Variants in ATP2B3 observed in about 807,000 individuals in gnomAD.
ATP2B3 encodes ATPase plasma membrane Ca2+ transporting 3.
ATP2B3 carries 12 observed loss-of-function variants against 70.8 expected under a neutral mutation model. The observed-to-expected ratio is 0.17, with a 90% confidence interval of 0.11 to 0.27. The LOEUF is 0.27. Ranked by LOEUF, ATP2B3 falls within the 10% of genes least tolerant of loss-of-function variation. The pLI is 1.00. For synonymous variants in ATP2B3, 460 were observed against 497.8 expected (o/e 0.92, Z 1.01); for missense variants, 858 against 1,118.5 (o/e 0.77, Z 3.32).
At chrX:153,549,473 T>A in intron 10 of ATP2B3, 24 bp from the exon 11 acceptor site, 1 of 1,209,182 alleles carries the variant, frequency 8.3e-7, no homozygotes, top group Non-Finnish European at 1.1e-6. Flanking sequence ...CTGGGCCAAA[T>A]GCCCACACCC....
intron 9 of ATP2B3, 148 bp from the exon 10 acceptor site, chrX:153,548,492 G>A (rs1441859078): frequency 5.4e-5 from 28 of 514,573 alleles, no homozygotes; most frequent in Non-Finnish European, 8.8e-5. Flanking sequence ...AGCCAAACCT[G>A]GGCTGTTTAT....
intron 2 of ATP2B3, among the ~76,000 whole-genome samples, chrX:153,535,519 C>A (rs1422951941): frequency 9.1e-6 from 1 of 110,003 alleles, no homozygotes; most frequent in Non-Finnish European, 1.9e-5. Flanking sequence ...CCCTCTCTCC[C>A]CTCCCCTGTT....
At chrX:153,565,908 C>T (rs1347241745) in intron 21 of ATP2B3, among the ~76,000 whole-genome samples, 2 of 112,722 alleles carry the variant, frequency 1.8e-5, no homozygotes, top group Admixed American at 1.9e-4. Context: ...GTCCCTGCAT[C>T]GTTCCTGCCT....
At chrX:153,521,611 T>C (rs1460990194) in intron 2 of ATP2B3, among the ~76,000 whole-genome samples, 1 of 111,740 alleles carries the variant, frequency 8.9e-6, no homozygotes, top group Non-Finnish European at 1.9e-5. Flanking sequence ...GCACCTTATT[T>C]AAAGGGGTCC....
intron 21 of ATP2B3, chrX:153,574,995 T>C (rs1184619657): frequency 6.7e-5 from 18 of 269,609 alleles, no homozygotes; most frequent in Admixed American, 1.1e-4. Flanking sequence ...ATGTCTCCTC[T>C]GGGCAGCTGG....
chrX:153,575,817 G>A (rs192368335), intron 21 of ATP2B3, among the ~76,000 whole-genome samples: 79 of 111,936 alleles, frequency 7.1e-4, no homozygotes, highest in African/African-American at 2.3e-3. Context: ...AGGAGGAGGG[G>A]CTGGAGCAGT....
intron 2 of ATP2B3, among the ~76,000 whole-genome samples, chrX:153,526,791 A>G (rs782324303): frequency 1.8e-5 from 2 of 111,860 alleles, no homozygotes; most frequent in African/African-American, 6.5e-5. Flanking sequence ...CTTGACTCCC[A>G]TCTTCAGTTG....
At chrX:153,542,742 A>G (rs1557007231) in intron 6 of ATP2B3, among the ~76,000 whole-genome samples, 1 of 112,893 alleles carries the variant, frequency 8.9e-6, no homozygotes, top group East Asian at 2.8e-4. Context: ...GCTTCTCTCA[A>G]TCCAGACCCT....
Position 153,559,871 on chromosome X carries a change from G to T in ATP2B3, c.2768G>T (p.Arg923Leu), listed in dbSNP as rs201753621. ...PYGRDKPLIS[R>L]TMMKNILGHA... is the part of the protein sequence containing the mutation. ...GGCCGCGACAAGCCCCTCATCTCCC[G>T]CACCATGATGAAGAACATTCTGGGC... The change falls in exon 18 of 22, where the codon CGC becomes CTC. Residue 923 changes from arginine (R) to leucine (L), a missense_variant. Physicochemically the swap from Arg to Leu is moderately radical, Grantham distance 102. Coordinates refer to ENST00000263519, the MANE Select transcript of ATP2B3 (RefSeq NM_001001344.3). The T allele has an allele frequency of 2.5e-6, 3 of 1,210,406 alleles. No homozygotes were observed. The highest frequency in any genetic ancestry group is 3.4e-6 in the Non-Finnish European group (3 of 895,302).
At chrX:153,566,577 G>T (rs1417580067) in intron 21 of ATP2B3, among the ~76,000 whole-genome samples, 1 of 111,068 alleles carries the variant, frequency 9.0e-6, no homozygotes, top group African/African-American at 3.3e-5. Flanking sequence ...AGCCTCCTTT[G>T]CTTGCCTTGG....
intron 21 of ATP2B3, chrX:153,575,018 C>T (rs1237111567): frequency 2.4e-5 from 6 of 253,588 alleles, no homozygotes; most frequent in Middle Eastern, 9.9e-4. Flanking sequence ...ACAAACTGCC[C>T]GGGACAGCCT....
chrX:153,528,258 G>A (rs1557000604), intron 2 of ATP2B3, among the ~76,000 whole-genome samples: 10 of 112,413 alleles, frequency 8.9e-5, no homozygotes, highest in Non-Finnish European at 1.9e-4. Flanking sequence ...GGTCCTGTTG[G>A]CCTCTGCTTC....
chrX:153,571,765 T>G (rs2090793054), intron 21 of ATP2B3, among the ~76,000 whole-genome samples: 2 of 112,672 alleles, frequency 1.8e-5, no homozygotes, highest in South Asian at 7.3e-4. Flanking sequence ...AAGTGGCGGA[T>G]AGCCAGAAGG....
intron 2 of ATP2B3, among the ~76,000 whole-genome samples, chrX:153,535,153 A>C (rs1335805138): frequency 8.8e-6 from 1 of 113,198 alleles, no homozygotes; most frequent in Non-Finnish European, 1.9e-5. Flanking sequence ...TGATGGCTGC[A>C]GAAGGGGCAG....
At chrX:153,552,584 C>G (rs1343296098) in intron 12 of ATP2B3, among the ~76,000 whole-genome samples, 3 of 112,316 alleles carry the variant, frequency 2.7e-5, no homozygotes, top group Non-Finnish European at 5.6e-5. Context: ...CAGGTTCCAC[C>G]CGCTTGCCCT....
At chrX:153,522,300 G>A (rs1556998072) in intron 2 of ATP2B3, among the ~76,000 whole-genome samples, 1 of 112,513 alleles carries the variant, frequency 8.9e-6, no homozygotes, top group African/African-American at 3.2e-5. Context: ...AAAAGCAAAC[G>A]CAATGCCCTT....
At chrX:153,568,053 C>T (rs892973624) in intron 21 of ATP2B3, among the ~76,000 whole-genome samples, 10 of 111,722 alleles carry the variant, frequency 9.0e-5, no homozygotes, top group African/African-American at 2.0e-4. Context: ...ACCACAAAAT[C>T]GCTCCCCAGA....
intron 20 of ATP2B3, among the ~76,000 whole-genome samples, chrX:153,563,398 C>T (rs1557017051): frequency 9.0e-6 from 1 of 111,130 alleles, no homozygotes; most frequent in Non-Finnish European, 1.9e-5. Flanking sequence ...GCCTCAGCCT[C>T]CCAAAGTGCT....
chrX:153,580,166 G>GCCCCC lies in ATP2B3; in HGVS notation c.3531_3532insCCCCC (p.Ser1178ProfsTer11). 1.2e-6 allele frequency: 1 copy of GCCCCC among 867,946 alleles called. No homozygotes were observed. Among genetic ancestry groups the GCCCCC allele is most frequent in the Non-Finnish European group, 1.5e-6 (1 of 667,651 alleles). The allele number at this position is 867,946 out of a possible 1,213,427, so 71.5% of individuals were successfully genotyped here. A position where few individuals can be genotyped will look rare whatever the true frequency, so the allele number is the denominator to read the frequency against. On this transcript the variant is annotated frameshift_variant, in exon 22 of 22. Coordinates refer to ENST00000263519, the MANE Select transcript of ATP2B3 (RefSeq NM_001001344.3). LOFTEE classifies it high-confidence loss of function. ...AGCGCCTCCGGGCCCCCCCGCCCCCGTCCCCCAACCAGAACAACAACGCCA... is the reference window on the plus strand; with the variant it reads ...AGCGCCTCCGGGCCCCCCCGCCCCCGCCCCCTCCCCCAACCAGAACAACAACGCCA...
Sources: gnomAD v4.1 joint callset for allele counts (sites outside exome capture counted in the v4.1 genomes callset) on GRCh38, gnomAD v4.1.1 for gene constraint, MANE v1.5 for transcripts, NCBI Gene and HGNC (gene_info 2026-07-23, HGNC 2026-07-21) for gene names.